MALRD1: variants seen among roughly 807,000 people sequenced by gnomAD.
MALRD1 encodes the protein MAM and LDL receptor class A domain containing 1, also known as MAM and LDL-receptor class A domain-containing protein 1.
Under a neutral mutation model 242.1 loss-of-function variants are expected in MALRD1, and 247 were observed. The observed-to-expected ratio is 1.02, with a 90% CI of 0.92 to 1.13. MALRD1 has a LOEUF of 1.13. Ranked by LOEUF, MALRD1 falls within the 50% of genes most tolerant of loss-of-function variation. The pLI, the probability that MALRD1 is intolerant of heterozygous loss-of-function variation, is 0.00. For synonymous variants in MALRD1, 995 were observed against 866.6 expected, an observed-to-expected ratio of 1.15 and a Z score of -2.60; for missense variants, 2,989 against 2,533.1, an observed-to-expected ratio of 1.18 and a Z score of -3.86.
Position 19,280,129 on chromosome 10 carries a change from A to G in MALRD1, c.3162A>G (p.Glu1054=). The G allele has an allele frequency of 6.5e-7, 1 of 1,546,262 alleles. No individual in the cohort carries two copies. Among genetic ancestry groups the G allele is most frequent in the Non-Finnish European group, 8.7e-7 (1 of 1,145,344 alleles). Residue 1054 remains glutamate, a synonymous_variant, in exon 20 of 40, where the codon GAA becomes GAG. Transcript: ENST00000454679. ...CTCCACACAACTGCACAGACAATGAATTTATCTGCAGGTCTGATGGTCACT... is the reference window on the plus strand; with the variant it reads ...CTCCACACAACTGCACAGACAATGAGTTTATCTGCAGGTCTGATGGTCACT... The part of the protein sequence containing the change: ...TLPPHNCTDN[E]FICRSDGHCI...
At chr10:19,247,913 G>A (rs1839135013) in intron 18 of MALRD1, among the ~76,000 whole-genome samples, 1 of 152,044 alleles carries the variant, frequency 6.6e-6, no homozygotes, top group Non-Finnish European at 1.5e-5. Context: ...AGAACCAGGA[G>A]AAGTTCAGAG....
intron 28 of MALRD1, among the ~76,000 whole-genome samples, chr10:19,446,528 A>T (rs191985523): frequency 6.6e-6 from 1 of 152,336 alleles, no homozygotes; most frequent in East Asian, 1.9e-4. Flanking sequence ...CTGTCTATTA[A>T]TATGTTTGTA....
intron 14 of MALRD1, among the ~76,000 whole-genome samples, chr10:19,186,394 C>T (rs1399550906): frequency 1.2e-4 from 19 of 152,156 alleles, no homozygotes; most frequent in Admixed American, 1.2e-3. Context: ...ATGGAAGTCA[C>T]TGATCTCCGA....
intron 28 of MALRD1, among the ~76,000 whole-genome samples, chr10:19,403,996 C>T (rs752534148): frequency 4.6e-5 from 7 of 151,984 alleles, no homozygotes; most frequent in African/African-American, 7.2e-5. Flanking sequence ...GCATTAAACA[C>T]GTTAAGCTTT....
intron 18 of MALRD1, among the ~76,000 whole-genome samples, chr10:19,238,524 ATAAT>A (rs1838572466): frequency 2.0e-5 from 2 of 98,014 alleles, no homozygotes; most frequent in East Asian, 5.7e-4. Context: ...TATATTATAT[ATAAT>A]ATACATTATA....
At chr10:19,595,557 C>T (rs547141648) in intron 34 of MALRD1, 100 bp downstream of exon 34, 92 of 1,287,094 alleles carry the variant, frequency 7.1e-5, no homozygotes, top group Middle Eastern at 2.0e-4. Context: ...AGAGCCTTAC[C>T]GTGATTGTAT....
chr10:19,484,743 C>T lies in MALRD1; in HGVS notation c.5030-6774C>T, dbSNP rs188253149. 1.5e-3 allele frequency among the ~76,000 whole-genome samples: 231 copies of T among 152,218 alleles called. 1 individual carries two copies. The highest frequency in any genetic ancestry group is 5.5e-3 in the African/African-American group (227 of 41,538). On this transcript the variant is annotated intron_variant, in intron 29 of 39. Transcript: ENST00000454679. Reference sequence around the variant, plus strand: ...CTGATGGAAATGTAAACTAATACAACCTCTATGGAAAACAATGTGGAGATT... The same window carrying T: ...CTGATGGAAATGTAAACTAATACAATCTCTATGGAAAACAATGTGGAGATT...
chr10:19,728,835 A>G (rs1835160454), intron 38 of MALRD1, among the ~76,000 whole-genome samples: 1 of 152,152 alleles, frequency 6.6e-6, no homozygotes, highest in South Asian at 2.1e-4. Flanking sequence ...TCATGCACTA[A>G]CCATGCTATG....
upstream of MALRD1, chr10:19,048,726 T>A (rs1834401229): frequency 2.7e-6 from 1 of 368,796 alleles, no homozygotes; most frequent in Non-Finnish European, 4.8e-6. Flanking sequence ...AGAACCAGCG[T>A]AATTACTCAA....
intron 29 of MALRD1, among the ~76,000 whole-genome samples, chr10:19,477,603 T>C (rs1476077996): frequency 2.0e-5 from 3 of 151,904 alleles, no homozygotes; most frequent in African/African-American, 7.3e-5. Context: ...AAGAAGTGAG[T>C]TTAAGGGTGG....
At chr10:19,431,994 AT>A (rs902432601) in intron 28 of MALRD1, among the ~76,000 whole-genome samples, 60 of 151,506 alleles carry the variant, frequency 4.0e-4, no homozygotes, top group Admixed American at 2.3e-3. Flanking sequence ...TACCATATGA[AT>A]TTTTTTTTCT....
At chr10:19,682,794 G>T (rs1480064281) in intron 36 of MALRD1, among the ~76,000 whole-genome samples, 1 of 152,192 alleles carries the variant, frequency 6.6e-6, no homozygotes, top group East Asian at 1.9e-4. Flanking sequence ...ATATGGCCCA[G>T]AAAACACTCG....
chr10:19,251,740 TTG>T (rs1839300853), intron 18 of MALRD1, among the ~76,000 whole-genome samples: 1 of 152,028 alleles, frequency 6.6e-6, no homozygotes, highest in African/African-American at 2.4e-5. Context: ...GTGATATGGT[TTG>T]ACTCTATGTC....
intron 31 of MALRD1, among the ~76,000 whole-genome samples, chr10:19,507,943 G>T (rs1472312678): frequency 6.6e-6 from 1 of 152,132 alleles, no homozygotes; most frequent in Non-Finnish European, 1.5e-5. Context: ...CACTATTCTA[G>T]GTGCTTGGAA....
At chr10:19,410,978 T>C (rs1425299813) in intron 28 of MALRD1, among the ~76,000 whole-genome samples, 1 of 152,174 alleles carries the variant, frequency 6.6e-6, no homozygotes, top group Non-Finnish European at 1.5e-5. Context: ...TAATTGGGCA[T>C]TTTTGGTAAA....
At position 19,730,794 on chromosome 10, in the gene MALRD1, G is replaced by A; in HGVS notation, c.6390+13G>A. 2.0e-6 allele frequency: 3 copies of A among 1,535,206 alleles called. No individual in the cohort carries two copies. The highest frequency in any genetic ancestry group is 2.6e-6 in the Non-Finnish European group (3 of 1,145,922). Reference sequence around the variant, plus strand: ...AGAGAAAACAGAGGTAAGTGGCAAGGGTGAACTATATCTTTTCACACATAT... The same window carrying A: ...AGAGAAAACAGAGGTAAGTGGCAAGAGTGAACTATATCTTTTCACACATAT... On this transcript the variant is annotated intron_variant, in intron 39 of 39. Transcript: ENST00000454679.
At position 19,415,997 on chromosome 10, in the gene MALRD1, C is replaced by T. The variant is rs958562747; in HGVS notation, c.4845+26388C>T. ...GTAGAAACTGAGTGAGGAAAGTTTT[C>T]GGATTTGTCTGTGGCTATAAACAAA... On this transcript the variant is annotated intron_variant, in intron 28 of 39. Transcript: ENST00000454679. Among the ~76,000 whole-genome samples the T allele has an allele frequency of 2.6e-5, 4 of 152,224 alleles. No individual in the cohort carries two copies. The South Asian group carries it at 6.2e-4, about 24-fold the overall frequency.
intron 39 of MALRD1, among the ~76,000 whole-genome samples, chr10:19,733,273 C>T (rs993691351): frequency 6.6e-6 from 1 of 152,158 alleles, no homozygotes; most frequent in Non-Finnish European, 1.5e-5. Context: ...GACTGTCAAC[C>T]CATGGTCATT....
intron 38 of MALRD1, among the ~76,000 whole-genome samples, chr10:19,693,008 T>C (rs1391604374): frequency 6.6e-6 from 1 of 151,804 alleles, no homozygotes; most frequent in Non-Finnish European, 1.5e-5. Flanking sequence ...GAAAAGGCCT[T>C]CGACAAAATT....
Sources: gnomAD v4.1 joint callset for allele counts (sites outside exome capture counted in the v4.1 genomes callset) on GRCh38, gnomAD v4.1.1 for gene constraint, MANE v1.5 for transcripts, NCBI Gene and HGNC (gene_info 2026-07-23, HGNC 2026-07-21) for gene names.